The following ANKRD36 variants were observed in gnomAD, a reference collection of about 807,000 sequenced individuals.
The protein encoded by ANKRD36 is ankyrin repeat domain 36, also known as ankyrin repeat domain-containing protein 36A.
ANKRD36 carries 179 observed loss-of-function variants against 278.1 expected under a neutral mutation model. The observed-to-expected ratio is 0.64, with a 90% CI of 0.57 to 0.73. The LOEUF (loss-of-function observed/expected upper bound fraction) is 0.73, where lower values mean the gene tolerates loss of function less well. Among genes scored for constraint, ANKRD36 ranks in the 30% least tolerant of loss-of-function variants. ANKRD36 has a pLI of 0.00. For synonymous variants in ANKRD36, 320 were observed against 641.1 expected (o/e 0.50, Z 7.57); for missense variants, 1,159 against 1,956.7 (o/e 0.59, Z 7.69).
rs536758772 is a variant in ANKRD36 at position 97,144,805 on chromosome 2, G to A, written c.1003+93G>A. 1.6e-3 allele frequency: 2,126 copies of A among 1,341,970 alleles called. 94 individuals carry two copies. The East Asian group carries it at 0.026, about 16-fold the overall frequency. 83.1% of individuals were successfully genotyped at this position (1,341,970 alleles called of 1,614,324 possible). On this transcript the variant is annotated intron_variant, in intron 10 of 75. Transcript: ENST00000420699. The stretch of plus-strand genomic sequence containing the variant: ...TCAGCAGGGGGCTCATTGAAGCTGC[G>A]CATTCTGATTCAGCGGGCCTGAGAT...
intron 44 of ANKRD36, among the ~76,000 whole-genome samples, chr2:97,199,391 A>G (rs2060671193): frequency 1.3e-5 from 2 of 151,850 alleles, no homozygotes; most frequent in East Asian, 3.9e-4. Flanking sequence ...ATGTGAATAA[A>G]TTTTGCTTCC....
In ANKRD36 at chr2:97,191,268, C is replaced by A. The variant is rs575236792; in HGVS notation, c.2347+87C>A. On this transcript the variant is annotated intron_variant, in intron 36 of 75. Transcript: ENST00000420699. ...CTGAATGAATTGGCCTGGGGCTCGT[C>A]GAAGCTGCACATTATCATTCAGCTG... The A allele has an allele frequency of 2.2e-6, 3 of 1,346,470 alleles. No homozygotes were observed. The African/African-American group carries it at 4.5e-5, about 20-fold the overall frequency. 83.4% of individuals were successfully genotyped at this position (1,346,470 alleles called of 1,614,324 possible).
At position 97,124,489 on chromosome 2, in the gene ANKRD36, G is replaced by T; in HGVS notation, c.623G>T (p.Gly208Val). 6.4e-7 allele frequency: 1 copy of T among 1,550,616 alleles called. No individual in the cohort carries two copies. Among genetic ancestry groups the T allele is most frequent in the Admixed American group, 2.0e-5 (1 of 50,520 alleles). ...RSALIHAVTL[G>V]EKDIVILLLQ... ...GCCCTCATACATGCTGTTACTCTTG[G>T]AGAAAAAGATATAGTCATTCTTCTT... The change falls in exon 5 of 76, where the codon GGA (glycine) becomes GTA (valine). Residue 208 changes from glycine to valine, a missense_variant. Gly to Val is a moderately radical substitution (Grantham distance 109, BLOSUM62 -3). Transcript: ENST00000420699.
chr2:97,123,210 A>G (rs1047302438), intron 4 of ANKRD36, among the ~76,000 whole-genome samples: 1 of 151,582 alleles, frequency 6.6e-6, no homozygotes, highest in Non-Finnish European at 1.5e-5. Context: ...GTCTCTCTCT[A>G]TAGACATTAT....
Position 97,187,412 on chromosome 2 carries a change from A to C in ANKRD36, c.2143+11A>C. The C allele has an allele frequency of 1.9e-6, 3 of 1,605,034 alleles. No homozygotes were observed. Among genetic ancestry groups the C allele is most frequent in the Non-Finnish European group, 2.6e-6 (3 of 1,176,022 alleles). On this transcript the variant is annotated intron_variant, in intron 32 of 75. Coordinates refer to ENST00000420699, the MANE Select transcript of ANKRD36 (RefSeq NM_001354587.1). ...AAAAATCTGGGACAGGTAATTTTGC[A>C]AAACACATTCAATGTCATGTTCAAT...
intron 7 of ANKRD36, 22 bp from the exon 8 acceptor site, chr2:97,142,741 T>A: frequency 3.1e-6 from 5 of 1,609,468 alleles, no homozygotes; most frequent in Non-Finnish European, 3.4e-6. Flanking sequence ...GTATTGATTA[T>A]TTTGTTTCAA....
intron 50 of ANKRD36, among the ~76,000 whole-genome samples, chr2:97,204,852 C>G (rs1248387172): frequency 6.6e-6 from 1 of 151,418 alleles, no homozygotes; most frequent in Non-Finnish European, 1.5e-5. Flanking sequence ...TTTCGCTGCT[C>G]CAGCAACTGC....
intron 6 of ANKRD36, among the ~76,000 whole-genome samples, chr2:97,136,071 G>A (rs1347229931): frequency 6.6e-6 from 1 of 151,450 alleles, no homozygotes; most frequent in Non-Finnish European, 1.5e-5. Flanking sequence ...ATCAGGGTGT[G>A]ATTAGAGGGT....
rs2066020401 is a variant in ANKRD36, at chr2:97,216,706, G to A, written c.3674-471G>A. ...CGTGAAGTGTACATTCAACTGAAGTGTCATTGTAATTGTGTACCTTCTCAG... is the reference window on the plus strand; with the variant it reads ...CGTGAAGTGTACATTCAACTGAAGTATCATTGTAATTGTGTACCTTCTCAG... On this transcript the variant is annotated intron_variant, in intron 62 of 75. Transcript: ENST00000420699. 10 of 333,686 alleles carry A rather than the reference G, an allele frequency of 3.0e-5. No individual in the cohort carries two copies. The South Asian group carries it at 3.3e-4, about 11-fold the overall frequency. 20.7% of individuals were successfully genotyped at this position (333,686 alleles called of 1,614,324 possible). A position where few individuals can be genotyped will look rare whatever the true frequency, so the allele number is the denominator to read the frequency against.
intron 11 of ANKRD36, among the ~76,000 whole-genome samples, chr2:97,147,811 A>G (rs926611476): frequency 3.3e-5 from 5 of 151,888 alleles, no homozygotes; most frequent in Admixed American, 2.6e-4. Context: ...GATTTTAGGG[A>G]AAAATCTGAA....
intron 46 of ANKRD36, among the ~76,000 whole-genome samples, chr2:97,201,346 A>AAGG (rs2061328620): frequency 6.6e-6 from 1 of 151,896 alleles, no homozygotes; most frequent in African/African-American, 2.4e-5. Flanking sequence ...TACTGCCTAC[A>AAGG]AGGGTATTCT....
At chr2:97,158,460 C>G in intron 16 of ANKRD36, 128 bp from the exon 17 acceptor site, 1 of 876,352 alleles carries the variant, frequency 1.1e-6, no homozygotes, top group Non-Finnish European at 1.7e-6. Context: ...CACCTGACCT[C>G]ATATGATCTG....
intron 22 of ANKRD36, among the ~76,000 whole-genome samples, chr2:97,178,413 G>C (rs1401653443): frequency 6.6e-6 from 1 of 151,782 alleles, no homozygotes; most frequent in East Asian, 1.9e-4. Flanking sequence ...CAATAGCAAA[G>C]ACTTGGAACC....
chr2:97,137,981 T>C (rs2041962401), intron 6 of ANKRD36, among the ~76,000 whole-genome samples: 1 of 152,102 alleles, frequency 6.6e-6, no homozygotes, highest in African/African-American at 2.4e-5. Context: ...TTTATTTAAG[T>C]TCCTTGTAGA....
chr2:97,203,010 C>T (rs1575819842), intron 48 of ANKRD36, among the ~76,000 whole-genome samples: 1 of 151,798 alleles, frequency 6.6e-6, no homozygotes, highest in Admixed American at 6.6e-5. Context: ...AGGAAGCAAT[C>T]CTAGAACTGG....
At chr2:97,163,435 G>A (rs1432058175) in intron 18 of ANKRD36, 1 of 367,468 alleles carries the variant, frequency 2.7e-6, no homozygotes, top group African/African-American at 2.2e-5. Context: ...GAGAACTAAA[G>A]TTGAGAATCC....
chr2:97,242,921 TTC>T (rs1261472204), intron 69 of ANKRD36, among the ~76,000 whole-genome samples: 3 of 118,588 alleles, frequency 2.5e-5, no homozygotes, highest in African/African-American at 8.3e-5. Flanking sequence ...ATCAATACAT[TTC>T]AACTTATACA....
rs1182331799 is a variant in ANKRD36, at chr2:97,202,089, G to A, written c.2858-113G>A. On this transcript the variant is annotated intron_variant, in intron 46 of 75. Transcript: ENST00000420699. ...CCAGACACAAAGTAGAAGCCATGAA[G>A]GCCTATGCTAATACAGGCAGGAGGA... is the stretch of plus-strand genomic sequence containing the variant. The A allele has an allele frequency of 3.0e-5, 47 of 1,563,218 alleles. 1 individual carries two copies. Among genetic ancestry groups the A allele is most frequent in the Admixed American group, 2.7e-4 (14 of 52,810 alleles).
intron 54 of ANKRD36, among the ~76,000 whole-genome samples, chr2:97,208,674 A>G (rs1225882118): frequency 6.8e-6 from 1 of 146,508 alleles, no homozygotes. Flanking sequence ...GGTTACTAGG[A>G]GGCATCAGAG....
Sources: gnomAD v4.1 joint callset for allele counts (sites outside exome capture counted in the v4.1 genomes callset) on GRCh38, gnomAD v4.1.1 for gene constraint, MANE v1.5 for transcripts, NCBI Gene and HGNC (gene_info 2026-07-23, HGNC 2026-07-21) for gene names.